The following CDH20 variants were observed in gnomAD, a reference collection of about 807,000 sequenced individuals.
CDH20 encodes cadherin 20, also known as cadherin-20.
A neutral mutation model predicts 74.2 loss-of-function variants in CDH20; 29 were observed. That is an observed-to-expected ratio of 0.39 (90% CI 0.29 to 0.53). The LOEUF (loss-of-function observed/expected upper bound fraction) is 0.53. CDH20 is among the 20% of genes least tolerant of loss of function. The pLI, the probability that CDH20 is intolerant of heterozygous loss-of-function variation, is 0.69. For synonymous variants in CDH20, 469 were observed against 405.4 expected, an observed-to-expected ratio of 1.16 and a Z score of -1.88; for missense variants, 988 against 1,048.3, an observed-to-expected ratio of 0.94 and a Z score of 0.79.
intron 1 of CDH20, among the ~76,000 whole-genome samples, chr18:61,484,119 C>T (rs765410217): frequency 1.3e-5 from 2 of 152,194 alleles, no homozygotes; most frequent in Non-Finnish European, 2.9e-5. Flanking sequence ...CAATTACTTG[C>T]AACTTCTTAA....
chr18:61,365,110 C>CATCCTAA (rs1247521023), intron 1 of CDH20, among the ~76,000 whole-genome samples: 1 of 152,230 alleles, frequency 6.6e-6, no homozygotes, highest in Non-Finnish European at 1.5e-5. Context: ...ATAGATCTTA[C>CATCCTAA]ATACACTGTC....
Position 61,457,155 on chromosome 18 carries a change from T to G in CDH20, c.-152-33247T>G, listed in dbSNP as rs998133605. Among the ~76,000 whole-genome samples, 4 of 152,128 alleles carry G rather than the reference T, an allele frequency of 2.6e-5. No homozygotes were observed. The South Asian group carries it at 8.3e-4, about 31-fold the overall frequency. The stretch of plus-strand genomic sequence containing the variant: ...TAGAGCATCATGTGTGTTTGATGCA[T>G]TCCCTGATTCTGAAAAGAGGTAGTA... On this transcript the variant is annotated intron_variant, in intron 1 of 11. Transcript: ENST00000262717.
intron 1 of CDH20, among the ~76,000 whole-genome samples, chr18:61,355,891 G>T (rs1910482021): frequency 6.6e-6 from 1 of 152,176 alleles, no homozygotes; most frequent in East Asian, 1.9e-4. Flanking sequence ...TTGAAGGAAA[G>T]AGATAAAAGT....
intron 1 of CDH20, among the ~76,000 whole-genome samples, chr18:61,422,679 T>G (rs1325427260): frequency 2.0e-5 from 3 of 151,870 alleles, no homozygotes; most frequent in African/African-American, 7.2e-5. Flanking sequence ...TTTGATTACA[T>G]GACATTTAAT....
chr18:61,431,856 T>C (rs750025560), intron 1 of CDH20, among the ~76,000 whole-genome samples: 2 of 152,140 alleles, frequency 1.3e-5, no homozygotes, highest in Non-Finnish European at 2.9e-5. Flanking sequence ...ACGTGGGTAA[T>C]CAAACACTTC....
At chr18:61,387,793 A>G (rs1884795720) in intron 1 of CDH20, among the ~76,000 whole-genome samples, 1 of 152,196 alleles carries the variant, frequency 6.6e-6, no homozygotes, top group South Asian at 2.1e-4. Context: ...TGTCTACCCA[A>G]TTAAACTCAA....
chr18:61,511,097 C>G (rs978458701), intron 6 of CDH20, among the ~76,000 whole-genome samples: 7 of 116,414 alleles, frequency 6.0e-5, no homozygotes, highest in African/African-American at 2.3e-4. Context: ...AGCAATCCTT[C>G]CACCTCACCA....
chr18:61,548,806 C>T (rs553273381), intron 10 of CDH20, among the ~76,000 whole-genome samples: 2 of 152,370 alleles, frequency 1.3e-5, no homozygotes, highest in South Asian at 2.1e-4. Context: ...CTAGAAGTAA[C>T]ACAAATCACT....
Position 61,554,323 on chromosome 18 carries a change from C to G in CDH20, c.2034C>G (p.Phe678Leu). ...GCGGCGAGGAGGACACCGAGGCCTT[C>G]GACATCGCGGCCATGTGGAACCCCC... ...EGGGEEDTEAFDIAAMWNPRE... is the reference protein window; with the variant it reads ...EGGGEEDTEALDIAAMWNPRE... The change falls in exon 12 of 12, where the codon TTC (phenylalanine) becomes TTG (leucine). Residue 678 changes from phenylalanine (F) to leucine (L), a missense_variant. By Grantham distance (22) the Phe-to-Leu change is conservative. Coordinates refer to ENST00000262717, the MANE Select transcript of CDH20 (RefSeq NM_031891.4). 6.2e-7 allele frequency: 1 copy of G among 1,613,732 alleles called. No individual in the cohort carries two copies.
At chr18:61,486,731 C>T (rs1210608985) in intron 1 of CDH20, among the ~76,000 whole-genome samples, 1 of 152,096 alleles carries the variant, frequency 6.6e-6, no homozygotes, top group Non-Finnish European at 1.5e-5. Flanking sequence ...CTGCATTTAC[C>T]TCTCTTAAAG....
At chr18:61,336,810 G>A (rs1909775676) in intron 1 of CDH20, among the ~76,000 whole-genome samples, 1 of 40,768 alleles carries the variant, frequency 2.5e-5, no homozygotes, top group African/African-American at 6.6e-5. Flanking sequence ...AAATCAGCCA[G>A]AATATATGGG....
intron 1 of CDH20, among the ~76,000 whole-genome samples, chr18:61,413,386 G>A (rs555504455): frequency 2.6e-5 from 4 of 152,206 alleles, no homozygotes; most frequent in East Asian, 3.9e-4. Context: ...ATCAATAGAC[G>A]TTTCAGCTGC....
chr18:61,410,386 A>G (rs1912456054), intron 1 of CDH20, among the ~76,000 whole-genome samples: 1 of 152,260 alleles, frequency 6.6e-6, no homozygotes, highest in African/African-American at 2.4e-5. Flanking sequence ...TGAAAAACAT[A>G]TTAAATACAT....
intron 6 of CDH20, among the ~76,000 whole-genome samples, chr18:61,512,987 G>C (rs1255561309): frequency 6.6e-6 from 1 of 152,038 alleles, no homozygotes. Context: ...CTGTTGATTT[G>C]GGGTGGAGAG....
chr18:61,465,489 T>G (rs1326965295), intron 1 of CDH20, among the ~76,000 whole-genome samples: 2 of 151,606 alleles, frequency 1.3e-5, no homozygotes, highest in African/African-American at 4.8e-5. Flanking sequence ...AATCTCAGAG[T>G]TTTTAGAGTT....
At position 61,445,375 on chromosome 18, in the gene CDH20, C is replaced by T. The variant is rs191410387; in HGVS notation, c.-152-45027C>T. ...GCCACAGAGTTGTTAGCAATGGAAC[C>T]AGAAAGAAAACACAAATCTAATTGA... On this transcript the variant is annotated intron_variant, in intron 1 of 11. Coordinates refer to ENST00000262717, the MANE Select transcript of CDH20 (RefSeq NM_031891.4). 2.6e-5 allele frequency among the ~76,000 whole-genome samples: 4 copies of T among 152,112 alleles called. No individual in the cohort carries two copies. The East Asian group carries it at 5.8e-4, about 22-fold the overall frequency.
At chr18:61,548,213 T>C (rs1478695898) in intron 10 of CDH20, among the ~76,000 whole-genome samples, 2 of 152,214 alleles carry the variant, frequency 1.3e-5, no homozygotes, top group Admixed American at 6.5e-5. Context: ...AAGTAGCCTG[T>C]ATCAAAGCAG....
intron 1 of CDH20, among the ~76,000 whole-genome samples, chr18:61,418,380 C>A (rs1358575473): frequency 6.6e-6 from 1 of 151,924 alleles, no homozygotes; most frequent in Admixed American, 6.6e-5. Context: ...TGGTGAAACC[C>A]CGTCTCTACT....
At chr18:61,488,303 A>G (rs1238093101) in intron 1 of CDH20, among the ~76,000 whole-genome samples, 1 of 152,176 alleles carries the variant, frequency 6.6e-6, no homozygotes, top group Non-Finnish European at 1.5e-5. Context: ...TCTGAAAAAT[A>G]ACAGATATAT....
Sources: allele counts gnomAD v4.1 joint callset (sites outside exome capture counted in the v4.1 genomes callset), GRCh38; gene constraint gnomAD v4.1.1; transcripts MANE v1.5; gene names NCBI Gene and HGNC (gene_info 2026-07-23, HGNC 2026-07-21).